Variants in MAPK6 observed in about 807,000 individuals in gnomAD.
MAPK6 encodes ERK-3.
In MAPK6, 19 loss-of-function variants were observed where a neutral mutation model predicts 59.3. The ratio of observed to expected loss-of-function variants is 0.32; its 90% CI spans 0.22 to 0.47. The LOEUF is 0.47. MAPK6 is among the 20% of genes least tolerant of loss of function. The pLI, the probability that MAPK6 is intolerant of heterozygous loss-of-function variation, is 1.00. For missense variants in MAPK6, 724 were observed against 847.9 expected (o/e 0.85, Z 1.81); for synonymous variants, 316 against 290.3 (o/e 1.09, Z -0.90).
intron 2 of MAPK6, among the ~76,000 whole-genome samples, chr15:51,985,857 C>G (rs914390047): frequency 3.3e-5 from 5 of 151,962 alleles, no homozygotes; most frequent in Admixed American, 1.3e-4. Context: ...ACTCGGGAGG[C>G]TGAGGCAGGC....
chr15:51,976,808 C>T lies in MAPK6; in HGVS notation c.-880+4902C>T, dbSNP rs145269909. Reference sequence around the variant, plus strand: ...AAATACAAAAATTAGCCGGGCTTGGCGGTCGCACTCCTGTAATCTCAGCTA... The same window carrying T: ...AAATACAAAAATTAGCCGGGCTTGGTGGTCGCACTCCTGTAATCTCAGCTA... On this transcript the variant is annotated intron_variant, in intron 1 of 7. Transcript: ENST00000691380. Among the ~76,000 whole-genome samples the T allele has an allele frequency of 7.6e-3, 1,144 of 151,312 alleles. 22 individuals are homozygous for T. The highest frequency in any genetic ancestry group is 0.014 in the Admixed American group (217 of 15,182).
At chr15:52,037,380 T>C (rs1031304405) in intron 1 of MAPK6, among the ~76,000 whole-genome samples, 5 of 152,204 alleles carry the variant, frequency 3.3e-5, no homozygotes, top group African/African-American at 9.6e-5. Flanking sequence ...GTTTGATCTG[T>C]AGTCTGAAAA....
At chr15:52,013,613 C>T (rs895415376) in intron 3 of MAPK6, among the ~76,000 whole-genome samples, 62 of 152,294 alleles carry the variant, frequency 4.1e-4, no homozygotes, top group African/African-American at 1.5e-3. Context: ...CATCTCCTTC[C>T]TCACCTAGTA....
intron 3 of MAPK6, among the ~76,000 whole-genome samples, chr15:52,010,041 G>A (rs941388494): frequency 3.3e-5 from 5 of 152,126 alleles, no homozygotes; most frequent in Non-Finnish European, 7.3e-5. Context: ...AAAGTGCTGG[G>A]ATTACAGGCG....
chr15:52,036,711 T>C (rs557847518), intron 1 of MAPK6, among the ~76,000 whole-genome samples: 1 of 152,370 alleles, frequency 6.6e-6, no homozygotes, highest in South Asian at 2.1e-4. Context: ...AATTCTTGTA[T>C]GGATCTGATA....
At chr15:52,042,730 T>G (rs983034031) in intron 1 of MAPK6, 1 of 152,252 alleles carries the variant, frequency 6.6e-6, no homozygotes, top group African/African-American at 2.4e-5. Context: ...GAGATCTTAC[T>G]GTTCTCATTT....
intron 2 of MAPK6, among the ~76,000 whole-genome samples, chr15:51,992,305 A>ATATTT (rs572519819): frequency 9.8e-4 from 99 of 101,444 alleles, no homozygotes; most frequent in African/African-American, 3.5e-3. Flanking sequence ...ATATATATAT[A>ATATTT]TTTTTTTTTT....
intron 1 of MAPK6, 68 bp downstream of exon 1, chr15:52,019,444 C>CCGGCGGCGGCGGCGGCGG (rs879025418): frequency 2.7e-5 from 4 of 146,480 alleles, no homozygotes; most frequent in East Asian, 2.1e-4. Context: ...CGCGGCGGGC[C>CCGGCGGCGGCGGCGGCGG]CGGCGGCGGC....
intron 3 of MAPK6, among the ~76,000 whole-genome samples, chr15:52,058,213 T>A (rs1231030640): frequency 6.6e-6 from 1 of 152,230 alleles, no homozygotes; most frequent in African/African-American, 2.4e-5. Context: ...TAAAACTTCC[T>A]GTTTTACAAG....
At chr15:52,058,525 A>G (rs908656165) in intron 3 of MAPK6, 108 bp from the exon 4 acceptor site, 10 of 915,144 alleles carry the variant, frequency 1.1e-5, no homozygotes, top group African/African-American at 6.8e-5. Context: ...ATACAATTCA[A>G]ACTTTTCCCC....
chr15:51,991,876 G>A (rs543540200), intron 2 of MAPK6, among the ~76,000 whole-genome samples: 1 of 152,258 alleles, frequency 6.6e-6, no homozygotes, highest in South Asian at 2.1e-4. Context: ...CTGAGATCTG[G>A]GTTTATATAG....
intron 3 of MAPK6, among the ~76,000 whole-genome samples, chr15:52,055,611 G>A (rs1287317368): frequency 6.6e-6 from 1 of 152,122 alleles, no homozygotes; most frequent in South Asian, 2.1e-4. Context: ...CTCCTCCCGG[G>A]TTCAAGCGAT....
At chr15:52,052,851 T>C (rs1186534432) in intron 3 of MAPK6, among the ~76,000 whole-genome samples, 1 of 152,182 alleles carries the variant, frequency 6.6e-6, no homozygotes, top group Non-Finnish European at 1.5e-5. Context: ...TGTAAATATT[T>C]GCGTACAAGT....
intron 3 of MAPK6, among the ~76,000 whole-genome samples, chr15:52,055,069 C>T (rs1020405429): frequency 2.6e-5 from 4 of 152,158 alleles, no homozygotes; most frequent in African/African-American, 4.8e-5. Flanking sequence ...CAAGAGCCAC[C>T]GTGTCCGGCC....
intron 1 of MAPK6, among the ~76,000 whole-genome samples, chr15:52,041,754 A>AT (rs1042070390): frequency 6.6e-6 from 1 of 152,214 alleles, no homozygotes; most frequent in Non-Finnish European, 1.5e-5. Flanking sequence ...CTAGGAGAGC[A>AT]TGAGAGGCCT....
intron 2 of MAPK6, 88 bp from the exon 3 acceptor site, chr15:52,049,905 G>T: frequency 3.2e-6 from 4 of 1,238,794 alleles, no homozygotes; most frequent in Non-Finnish European, 4.7e-6. Context: ...GAGCCACCAC[G>T]CCTGGCAAAT....
At position 52,065,050 on chromosome 15, in the gene MAPK6, CTTTT is replaced by C. The variant is rs748273542; in HGVS notation, c.*54_*57del. The C allele has an allele frequency of 1.3e-5, 20 of 1,494,772 alleles. No homozygotes were observed. The highest frequency in any genetic ancestry group is 2.5e-4 in the Middle Eastern group (1 of 3,984). 92.6% of individuals were successfully genotyped at this position (1,494,772 alleles called of 1,614,324 possible). A position where few individuals can be genotyped will look rare whatever the true frequency, so the allele number is the denominator to read the frequency against. ...GTATTCTTCATGAAATGTGTTTTGT[CTTTT>C]TTTATTACTAGTGTTTAAGTCATTT... On this transcript the variant is annotated 3_prime_UTR_variant, in exon 6 of 6. Coordinates refer to ENST00000261845, the MANE Select transcript of MAPK6 (RefSeq NM_002748.4).
chr15:51,986,483 G>C (rs1243300709), intron 2 of MAPK6, among the ~76,000 whole-genome samples: 1 of 152,018 alleles, frequency 6.6e-6, no homozygotes, highest in Non-Finnish European at 1.5e-5. Flanking sequence ...AGAATTTTGG[G>C]TGATTTTTAT....
chr15:52,023,129 C>A (rs4447367), intron 1 of MAPK6, among the ~76,000 whole-genome samples: 45,553 of 118,312 alleles, frequency 0.39, 8,908 homozygotes, highest in Non-Finnish European at 0.46. Context: ...AAAAAAAAAA[C>A]CGAAAAACAA....
Sources: allele counts gnomAD v4.1 joint callset (sites outside exome capture counted in the v4.1 genomes callset), GRCh38; gene constraint gnomAD v4.1.1; transcripts MANE v1.5; gene names NCBI Gene and HGNC (gene_info 2026-07-23, HGNC 2026-07-21).